Variants in EXOSC7 observed in about 807,000 individuals in gnomAD.
The protein encoded by EXOSC7 is exosome component 7.
A neutral mutation model predicts 34.3 loss-of-function variants in EXOSC7; 25 were observed. The ratio of observed to expected loss-of-function variants is 0.73; its 90% CI spans 0.53 to 1.02. The LOEUF (loss-of-function observed/expected upper bound fraction) is 1.02, where lower values mean the gene tolerates loss of function less well. Ranked by LOEUF, EXOSC7 falls within the 50% of genes least tolerant of loss-of-function variation. EXOSC7 has a pLI of 0.00. For missense variants in EXOSC7, 370 were observed against 368.5 expected (o/e 1.00, Z -0.03); for synonymous variants, 130 against 143.0 (o/e 0.91, Z 0.65).
At chr3:44,990,437 C>T (rs575821458) in intron 3 of EXOSC7, among the ~76,000 whole-genome samples, 7 of 152,004 alleles carry the variant, frequency 4.6e-5, no homozygotes, top group African/African-American at 7.2e-5. Context: ...GGCCAGGTCC[C>T]GTCTTCTATC....
At chr3:45,007,365 G>A (rs1463622957) in intron 6 of EXOSC7, 55 bp from the exon 7 acceptor site, 6 of 1,601,632 alleles carry the variant, frequency 3.7e-6, no homozygotes, top group Non-Finnish European at 5.1e-6. Context: ...GCCATCAGGG[G>A]TGGGACTCTG....
chr3:45,011,498 G>T, downstream of EXOSC7: 1 of 535,250 alleles, frequency 1.9e-6, no homozygotes, highest in Non-Finnish European at 3.3e-6. Flanking sequence ...GAGTTCTTCA[G>T]TTGAAGCCAA....
At chr3:45,001,713 CAG>C (rs1224597181) in intron 5 of EXOSC7, 105 bp downstream of exon 5, 26 of 823,440 alleles carry the variant, frequency 3.2e-5, no homozygotes, top group South Asian at 4.4e-5. Flanking sequence ...GTGAAGATAA[CAG>C]GGGGTTTTAA....
Position 44,978,580 on chromosome 3 carries a change from C to T in EXOSC7, c.57+2246C>T, listed in dbSNP as rs574688775. ...GTACTGAATGCTATGAAGGAAAAAACGGACACGATCTAGACTGGGAGGTCA... is the reference window on the plus strand; with the variant it reads ...GTACTGAATGCTATGAAGGAAAAAATGGACACGATCTAGACTGGGAGGTCA... On this transcript the variant is annotated intron_variant, in intron 1 of 7. Coordinates refer to ENST00000265564, the MANE Select transcript of EXOSC7 (RefSeq NM_015004.4). 5.3e-5 allele frequency among the ~76,000 whole-genome samples: 8 copies of T among 152,216 alleles called. No homozygotes were observed. The East Asian group carries it at 9.7e-4, about 18-fold the overall frequency.
At chr3:45,008,067 C>T (rs978161739) in intron 7 of EXOSC7, among the ~76,000 whole-genome samples, 1 of 152,116 alleles carries the variant, frequency 6.6e-6, no homozygotes, top group Non-Finnish European at 1.5e-5. Context: ...GAAATCTGAC[C>T]CACTGGAGTT....
chr3:44,989,167 T>C lies in EXOSC7; in HGVS notation c.85T>C (p.Cys29Arg). The change falls in exon 2 of 8, where the codon TGT becomes CGT. Residue 29 changes from cysteine to arginine, a missense_variant. Physicochemically the swap from Cys to Arg is radical, Grantham distance 180 (BLOSUM62 -3). Around this residue, in one of 3 missense-constraint regions of EXOSC7, gnomAD observed 95 missense variants for 79.8 expected, o/e 1.19. Transcript: ENST00000265564. ...QEDLRVDGRG[C>R]EDYRCVEVET... is the part of the protein sequence containing the mutation. ...AGACCTCCGTGTGGATGGCCGTGGC[T>C]GTGAGGACTACCGATGTGTCGAAGT... 1.2e-6 allele frequency: 2 copies of C among 1,614,154 alleles called. No homozygotes were observed. Among genetic ancestry groups the C allele is most frequent in the Non-Finnish European group, 1.7e-6 (2 of 1,179,990 alleles).
intron 3 of EXOSC7, among the ~76,000 whole-genome samples, 184 bp downstream of exon 3, chr3:44,989,828 C>A (rs1212843484): frequency 6.6e-6 from 1 of 152,152 alleles, no homozygotes; most frequent in Non-Finnish European, 1.5e-5. Flanking sequence ...TGAGTCCTGC[C>A]CTAGTCTTAA....
At chr3:44,976,415 G>C in intron 1 of EXOSC7, 81 bp downstream of exon 1, 1 of 1,246,776 alleles carries the variant, frequency 8.0e-7, no homozygotes, top group Non-Finnish European at 1.1e-6. Flanking sequence ...GTTTGCCAGT[G>C]AGGAGGCAGC....
intron 1 of EXOSC7, among the ~76,000 whole-genome samples, chr3:44,981,785 G>T (rs949834848): frequency 2.0e-5 from 3 of 152,186 alleles, no homozygotes; most frequent in African/African-American, 7.2e-5. Context: ...GTGTGTGCCT[G>T]TAGGCCTAGC....
intron 5 of EXOSC7, among the ~76,000 whole-genome samples, chr3:45,003,812 G>T (rs1437967233): frequency 6.6e-6 from 1 of 152,144 alleles, no homozygotes; most frequent in Non-Finnish European, 1.5e-5. Flanking sequence ...GATTACTTTT[G>T]TACTTGATAT....
At chr3:44,987,287 A>G (rs1175405006) in intron 1 of EXOSC7, among the ~76,000 whole-genome samples, 1 of 152,228 alleles carries the variant, frequency 6.6e-6, no homozygotes, top group East Asian at 1.9e-4. Context: ...GGAGAGTGAC[A>G]TTTCTCTGAG....
At chr3:45,001,150 GAA>G (rs374958709) in intron 4 of EXOSC7, among the ~76,000 whole-genome samples, 1 of 147,596 alleles carries the variant, frequency 6.8e-6, no homozygotes, top group Non-Finnish European at 1.5e-5. Flanking sequence ...TTTAGGGAAA[GAA>G]AAAAAAAAAT....
At chr3:44,989,429 T>C in intron 2 of EXOSC7, 121 bp from the exon 3 acceptor site, 2 of 876,886 alleles carry the variant, frequency 2.3e-6, no homozygotes, top group South Asian at 3.2e-5. Flanking sequence ...AAGACCACTT[T>C]CCAAGTCTTA....
In EXOSC7 at chr3:45,011,446, G is replaced by T; in HGVS notation, c.*107G>T. On this transcript the variant is annotated 3_prime_UTR_variant, in exon 8 of 8. Transcript: ENST00000265564. ...CGAATTTACAGCAGCATTTGTACATGTAAAATTAAAGGCTATTTTCTGGTC... is the reference window on the plus strand; with the variant it reads ...CGAATTTACAGCAGCATTTGTACATTTAAAATTAAAGGCTATTTTCTGGTC... The T allele has an allele frequency of 2.8e-6, 2 of 727,084 alleles. No individual in the cohort carries two copies. Among genetic ancestry groups the T allele is most frequent in the South Asian group, 1.8e-5 (1 of 54,378 alleles). 45.0% of individuals were successfully genotyped at this position (727,084 alleles called of 1,614,324 possible). A position where few individuals can be genotyped will look rare whatever the true frequency, so the allele number is the denominator to read the frequency against.
At position 45,011,361 on chromosome 3, in the gene EXOSC7, T is replaced by G. The variant is rs753292921; in HGVS notation, c.*22T>G. The G allele has an allele frequency of 6.2e-5, 90 of 1,456,892 alleles. No individual in the cohort carries two copies. Among genetic ancestry groups the G allele is most frequent in the Non-Finnish European group, 8.6e-5 (90 of 1,048,694 alleles). The allele number at this position is 1,456,892 out of a possible 1,614,324, so 90.2% of individuals were successfully genotyped here. On this transcript the variant is annotated 3_prime_UTR_variant, in exon 8 of 8. Coordinates refer to ENST00000265564, the MANE Select transcript of EXOSC7 (RefSeq NM_015004.4). ...ATGATTTGCACATCAACTGCTCAAC[T>G]GTGGATTGTTTTTTACTTTTCCTTT...
intron 2 of EXOSC7, 86 bp from the exon 3 acceptor site, chr3:44,989,464 A>C: frequency 8.9e-7 from 1 of 1,121,658 alleles, no homozygotes; most frequent in Non-Finnish European, 1.3e-6. Flanking sequence ...AGAGTCCCCC[A>C]GGGGTGTATG....
chr3:44,996,658 G>T (rs943723329), intron 3 of EXOSC7, among the ~76,000 whole-genome samples: 3 of 152,204 alleles, frequency 2.0e-5, no homozygotes, highest in Non-Finnish European at 4.4e-5. Context: ...TGTGAAACTA[G>T]AGGTGGTGTA....
Position 44,980,054 on chromosome 3 carries a change from A to AGC in EXOSC7, c.57+3720_57+3721insGC, listed in dbSNP as rs1348189999. 1.0e-3 allele frequency among the ~76,000 whole-genome samples: 159 copies of AGC among 152,182 alleles called. 1 individual carries two copies. The highest frequency in any genetic ancestry group is 8.8e-3 in the Admixed American group (134 of 15,272). Reference sequence around the variant, plus strand: ...GGCCAGGGGAGGAAACAGTATTACCACATTTCAGTGATAGCTGGAACTGTG... The same window carrying AGC: ...GGCCAGGGGAGGAAACAGTATTACCAGCCATTTCAGTGATAGCTGGAACTGTG... On this transcript the variant is annotated intron_variant, in intron 1 of 7. Transcript: ENST00000265564.
intron 7 of EXOSC7, among the ~76,000 whole-genome samples, chr3:45,010,866 C>G (rs530678639): frequency 2.0e-5 from 3 of 152,300 alleles, no homozygotes; most frequent in African/African-American, 7.2e-5. Flanking sequence ...CCCTATAGTA[C>G]AGTGTCACCT....
Sources: gnomAD v4.1 joint callset for allele counts (sites outside exome capture counted in the v4.1 genomes callset) on GRCh38, gnomAD v4.1.1 for gene constraint, gnomAD v4.1.1 regional missense constraint, MANE v1.5 for transcripts, NCBI Gene and HGNC (gene_info 2026-07-23, HGNC 2026-07-21) for gene names.